Variants in ZNF14 observed in about 807,000 individuals in gnomAD.
The protein encoded by ZNF14 is gonadotropin inducible transcription repressor-4.
A neutral mutation model predicts 11.3 loss-of-function variants in ZNF14; 9 were observed. The observed-to-expected ratio is 0.80, with a 90% CI of 0.48 to 1.39. The LOEUF (loss-of-function observed/expected upper bound fraction) is 1.39, where lower values mean the gene tolerates loss of function less well. ZNF14 is among the 40% of genes most tolerant of loss of function. ZNF14 has a pLI of 0.00. For synonymous variants in ZNF14, 239 were observed against 245.7 expected (o/e 0.97, Z 0.25); for missense variants, 711 against 763.9 (o/e 0.93, Z 0.82).
chr19:19,717,148 G>T (rs746159070), intron 1 of ZNF14, among the ~76,000 whole-genome samples: 2 of 152,140 alleles, frequency 1.3e-5, no homozygotes, highest in Non-Finnish European at 2.9e-5. Context: ...ACGGTAGGGT[G>T]CCCAGGCCAC....
chr19:19,713,097 A>T lies in ZNF14; in HGVS notation c.192-8T>A. 6.4e-7 allele frequency: 1 copy of T among 1,555,674 alleles called. No individual in the cohort carries two copies. The highest frequency in any genetic ancestry group is 1.2e-5 in the South Asian group (1 of 81,826). Reference sequence around the variant, plus strand: ...CTCTCAACCATATGACATCTGTAAAAAATGAATAGCACATTATTAGTGGCT... The same window carrying T: ...CTCTCAACCATATGACATCTGTAAATAATGAATAGCACATTATTAGTGGCT... On this transcript the variant is annotated splice_polypyrimidine_tract_variant and splice_region_variant and intron_variant, in intron 3 of 3. Transcript: ENST00000344099.
At position 19,720,131 on chromosome 19, in the gene ZNF14, G is replaced by A. The variant is rs2062388850; in HGVS notation, c.4-5644C>T. 6.6e-6 allele frequency among the ~76,000 whole-genome samples: 1 copy of A among 152,148 alleles called. No homozygotes were observed. Among genetic ancestry groups the A allele is most frequent in the Non-Finnish European group, 1.5e-5 (1 of 68,020 alleles). Reference sequence around the variant, plus strand: ...GAACTGCATGGAGCCATGAAGTATAGCTGGAGACTTCAATACCTGTCTATC... The same window carrying A: ...GAACTGCATGGAGCCATGAAGTATAACTGGAGACTTCAATACCTGTCTATC... On this transcript the variant is annotated intron_variant, in intron 1 of 3. Coordinates refer to ENST00000344099, the MANE Select transcript of ZNF14 (RefSeq NM_021030.3). This position sits in a 1 kb window ranked among gnomAD's most constrained non-coding sequence, Gnocchi z 4.1.
Position 19,733,075 on chromosome 19 carries a change from C to T in ZNF14, c.-117G>A. The T allele has an allele frequency of 7.4e-7, 1 of 1,342,390 alleles. No individual in the cohort carries two copies. Among genetic ancestry groups the T allele is most frequent in the Non-Finnish European group, 1.0e-6 (1 of 969,294 alleles). 83.2% of individuals were successfully genotyped at this position (1,342,390 alleles called of 1,614,324 possible). On this transcript the variant is annotated 5_prime_UTR_variant, in exon 1 of 4. Coordinates refer to ENST00000344099, the MANE Select transcript of ZNF14 (RefSeq NM_021030.3). ...TCGGCCTTCAGGAGCAGGTGAAACGCAATCTTCCCATGGGCCAGGAATGGC... is the reference window on the plus strand; with the variant it reads ...TCGGCCTTCAGGAGCAGGTGAAACGTAATCTTCCCATGGGCCAGGAATGGC...
In ZNF14 at chr19:19,712,722, G is replaced by A. The variant is rs753516429; in HGVS notation, c.559C>T (p.His187Tyr). Residue 187 changes from histidine to tyrosine, a missense_variant, in exon 4 of 4, where the codon CAT (histidine) becomes TAT (tyrosine). Physicochemically the swap from His to Tyr is moderately conservative, Grantham distance 83 (BLOSUM62 2). Transcript: ENST00000344099. Reference protein sequence around the residue: ...AFIYYQPFQRHERTHAGQKPY... With the variant: ...AFIYYQPFQRYERTHAGQKPY... ...TTCTGTCCAGCATGAGTCCTTTCATGTCTTTGAAATGGCTGGTAATATATA... is the reference window on the plus strand; with the variant it reads ...TTCTGTCCAGCATGAGTCCTTTCATATCTTTGAAATGGCTGGTAATATATA... 8 of 1,613,144 alleles carry A rather than the reference G, an allele frequency of 5.0e-6. No homozygotes were observed. The highest frequency in any genetic ancestry group is 4.2e-6 in the Non-Finnish European group (5 of 1,179,734).
At chr19:19,714,021 C>T in intron 3 of ZNF14, 70 bp downstream of exon 3, 1 of 1,396,994 alleles carries the variant, frequency 7.2e-7, no homozygotes, top group Non-Finnish European at 1.0e-6. Context: ...TGAAGCTGTG[C>T]TTAATTGTTT....
rs1224910021 is a variant in ZNF14 at position 19,712,908 on chromosome 19, G to C, written c.373C>G (p.His125Asp). 6.2e-7 allele frequency: 1 copy of C among 1,614,114 alleles called. No individual in the cohort carries two copies. The highest frequency in any genetic ancestry group is 1.7e-5 in the Admixed American group (1 of 60,024). The change falls in exon 4 of 4, where the codon CAC becomes GAC. Residue 125 changes from histidine (H) to aspartate (D), a missense_variant. His to Asp is a moderately conservative substitution (Grantham distance 81). Coordinates refer to ENST00000344099, the MANE Select transcript of ZNF14 (RefSeq NM_021030.3). ...TACTCATTTGGTTTCTGTCCAGTGT[G>C]AGATCTCATGTGCCTATTAAGGGAC... Reference protein sequence around the residue: ...HSSLNRHMRSHTGQKPNEYQE... With the variant: ...HSSLNRHMRSDTGQKPNEYQE...
In ZNF14 at chr19:19,728,244, G is replaced by C. The variant is rs1286026115; in HGVS notation, c.3+4712C>G. 2.3e-5 allele frequency among the ~76,000 whole-genome samples: 3 copies of C among 132,922 alleles called. 1 individual carries two copies. The highest frequency in any genetic ancestry group is 5.0e-5 in the Non-Finnish European group (3 of 59,940). 87.2% of individuals were successfully genotyped at this position (132,922 alleles called of 152,430 possible). A position where few individuals can be genotyped will look rare whatever the true frequency, so the allele number is the denominator to read the frequency against. On this transcript the variant is annotated intron_variant, in intron 1 of 3. Coordinates refer to ENST00000344099, the MANE Select transcript of ZNF14 (RefSeq NM_021030.3). ...GTCAAACCATATACTGGGGCCAGGT[G>C]CAGAGGCTCATGCCTGTAATCCCAG...
chr19:19,728,515 C>CA (rs56355771), intron 1 of ZNF14, among the ~76,000 whole-genome samples: 36,909 of 53,966 alleles, frequency 0.68, 14,279 homozygotes, highest in African/African-American at 0.83. Flanking sequence ...AACTCCGTCT[C>CA]AAAAAAAAAA....
intron 1 of ZNF14, among the ~76,000 whole-genome samples, chr19:19,730,439 A>T (rs897036491): frequency 6.6e-6 from 1 of 152,216 alleles, no homozygotes; most frequent in African/African-American, 2.4e-5. Flanking sequence ...ACAATCAATG[A>T]TGACTCATAT....
chr19:19,714,537 T>G, intron 1 of ZNF14, 50 bp from the exon 2 acceptor site: 1 of 1,576,586 alleles, frequency 6.3e-7, no homozygotes, highest in Non-Finnish European at 8.6e-7. Flanking sequence ...CTGGCAGTAC[T>G]GGGGATCTAT....
At position 19,730,109 on chromosome 19, in the gene ZNF14, C is replaced by T. The variant is rs936757119; in HGVS notation, c.3+2847G>A. Reference sequence around the variant, plus strand: ...ATTAGCTCACTGCAACCTCTGCCTCCTGGGTTCAAGCAATTCTAATTCTCC... The same window carrying T: ...ATTAGCTCACTGCAACCTCTGCCTCTTGGGTTCAAGCAATTCTAATTCTCC... On this transcript the variant is annotated intron_variant, in intron 1 of 3. Coordinates refer to ENST00000344099, the MANE Select transcript of ZNF14 (RefSeq NM_021030.3). Among the ~76,000 whole-genome samples the T allele has an allele frequency of 3.3e-5, 5 of 152,152 alleles. No homozygotes were observed. In the East Asian group the frequency reaches 5.8e-4, roughly 18 times the overall value.
At chr19:19,721,226 G>T (rs1305313119) in intron 1 of ZNF14, among the ~76,000 whole-genome samples, 1 of 152,128 alleles carries the variant, frequency 6.6e-6, no homozygotes, top group African/African-American at 2.4e-5. Flanking sequence ...AAAGTGCTAG[G>T]ATTACAGGCA....
chr19:19,731,737 G>A (rs1394200929), intron 1 of ZNF14, among the ~76,000 whole-genome samples: 7 of 152,010 alleles, frequency 4.6e-5, no homozygotes, highest in Non-Finnish European at 8.8e-5. Flanking sequence ...TATCAAAGTG[G>A]TGTGTGTCAT....
In ZNF14 at chr19:19,727,727, T is replaced by C. The variant is rs1196879206; in HGVS notation, c.3+5229A>G. On this transcript the variant is annotated intron_variant, in intron 1 of 3. Transcript: ENST00000344099. Reference sequence around the variant, plus strand: ...TGCCTAAAGAGTTTCTACACACACATCCAATCAATGCATCTTTATAGACGC... The same window carrying C: ...TGCCTAAAGAGTTTCTACACACACACCCAATCAATGCATCTTTATAGACGC... 1.5e-5 allele frequency among the ~76,000 whole-genome samples: 2 copies of C among 133,684 alleles called. 1 individual carries two copies. The highest frequency in any genetic ancestry group is 3.3e-5 in the Non-Finnish European group (2 of 60,262). The allele number at this position is 133,684 out of a possible 152,430, so 87.7% of individuals were successfully genotyped here.
In ZNF14 at chr19:19,732,984, G is replaced by A. The variant is rs2062428537; in HGVS notation, c.-26C>T. On this transcript the variant is annotated 5_prime_UTR_variant, in exon 1 of 4. Transcript: ENST00000344099. ...TTCCCAGCGTCCGGGAAGTCACGGT[G>A]TCCTCCCTACGGATCTGTCAGTACC... 1.2e-6 allele frequency: 2 copies of A among 1,613,216 alleles called. No homozygotes were observed. Among genetic ancestry groups the A allele is most frequent in the South Asian group, 1.1e-5 (1 of 90,916 alleles).
rs2062391289 is a variant in ZNF14, at chr19:19,720,867, G to A, written c.4-6380C>T. Among the ~76,000 whole-genome samples, 1 of 152,126 alleles carries A rather than the reference G, an allele frequency of 6.6e-6. No individual in the cohort carries two copies. Among genetic ancestry groups the A allele is most frequent in the Non-Finnish European group, 1.5e-5 (1 of 68,020 alleles). ...GAGAATTGAAAACCCTAGACAAAGT[G>A]AGCACATCCCAAGAAGCTCTTAACC... On this transcript the variant is annotated intron_variant, in intron 1 of 3. Coordinates refer to ENST00000344099, the MANE Select transcript of ZNF14 (RefSeq NM_021030.3). The surrounding 1 kb of genome is among the most constrained non-coding windows in gnomAD (Gnocchi z 4.1).
In ZNF14 at chr19:19,712,379, T is replaced by C; in HGVS notation, c.902A>G (p.His301Arg). Residue 301 changes from histidine (H) to arginine (R), a missense_variant, in exon 4 of 4, where the codon CAT becomes CGT. Physicochemically the swap from His to Arg is conservative, Grantham distance 29. Transcript: ENST00000344099. ...LSSFRRHKRT[H>R]SGEKPYECKE... ...ACATTCATAGGGTTTCTCTCCACTA[T>C]GAGTCCTTTTATGCCTTCGAAAAGA... The C allele has an allele frequency of 6.2e-7, 1 of 1,611,714 alleles. No homozygotes were observed. The highest frequency in any genetic ancestry group is 8.5e-7 in the Non-Finnish European group (1 of 1,179,430).
At chr19:19,719,713 A>T (rs2062387166) in intron 1 of ZNF14, among the ~76,000 whole-genome samples, 1 of 152,188 alleles carries the variant, frequency 6.6e-6, no homozygotes. Flanking sequence ...ATAGAAAAAC[A>T]TAAAAAGAAA....
At position 19,712,133 on chromosome 19, in the gene ZNF14, C is replaced by CT; in HGVS notation, c.1147dup (p.Arg383LysfsTer10). Reference sequence around the variant, plus strand: ...ATAAGGTTTCTCTCCAGTATGAGTTCTTTCATGCAATCGAAGAGAAATGGA... The same window carrying CT: ...ATAAGGTTTCTCTCCAGTATGAGTTCTTTTCATGCAATCGAAGAGAAATGGA... On this transcript the variant is annotated frameshift_variant, in exon 4 of 4. Coordinates refer to ENST00000344099, the MANE Select transcript of ZNF14 (RefSeq NM_021030.3). LOFTEE classifies it low-confidence loss of function (END_TRUNC). 6.2e-7 allele frequency: 1 copy of CT among 1,613,964 alleles called. No individual in the cohort carries two copies.
Sources: gnomAD v4.1 joint callset for allele counts (sites outside exome capture counted in the v4.1 genomes callset) on GRCh38, gnomAD v4.1.1 for gene constraint, Gnocchi (gnomAD v3.1) non-coding constraint, MANE v1.5 for transcripts, NCBI Gene and HGNC (gene_info 2026-07-23, HGNC 2026-07-21) for gene names.